KLHL17: variants seen among roughly 807,000 people sequenced by gnomAD.
KLHL17 encodes kelch like family member 17.
A neutral mutation model predicts 64.6 loss-of-function variants in KLHL17; 71 were observed. The observed-to-expected ratio is 1.10, with a 90% CI of 0.91 to 1.34. The LOEUF is 1.34. KLHL17 is among the 40% of genes most tolerant of loss of function. The pLI is 0.00. For synonymous variants in KLHL17, 612 were observed against 405.4 expected (o/e 1.51, Z -6.12); for missense variants, 1,140 against 935.0 (o/e 1.22, Z -2.86).
At position 961,487 on chromosome 1, in the gene KLHL17, A is replaced by G; in HGVS notation, c.302A>G (p.Lys101Arg). Reference protein sequence around the residue: ...LCDIVLHVAAKEIRAHKVVLA... With the variant: ...LCDIVLHVAAREIRAHKVVLA... ...GACATCGTCCTGCACGTGGCTGCCA[A>G]GGAGATCCGTGCGCACAAAGTGGTG... is the stretch of plus-strand genomic sequence containing the variant. Residue 101 changes from lysine to arginine, a missense_variant, in exon 2 of 12, where the codon AAG becomes AGG. Coordinates refer to ENST00000338591, the MANE Select transcript of KLHL17 (RefSeq NM_198317.3). 1.2e-6 allele frequency: 2 copies of G among 1,612,500 alleles called. No individual in the cohort carries two copies. Among genetic ancestry groups the G allele is most frequent in the East Asian group, 2.2e-5 (1 of 44,882 alleles).
Position 960,672 on chromosome 1 carries a change from C to T in KLHL17, c.-22C>T. 7.4e-7 allele frequency: 1 copy of T among 1,359,332 alleles called. No homozygotes were observed. Among genetic ancestry groups the T allele is most frequent in the Non-Finnish European group, 9.5e-7 (1 of 1,049,546 alleles). 84.2% of individuals were successfully genotyped at this position (1,359,332 alleles called of 1,614,324 possible). Reference sequence around the variant, plus strand: ...TTAAGCCCGCGGGTCCTCCGCGAATCGGCGGTGGGTCCGGCAGCCGAATGC... The same window carrying T: ...TTAAGCCCGCGGGTCCTCCGCGAATTGGCGGTGGGTCCGGCAGCCGAATGC... On this transcript the variant is annotated 5_prime_UTR_variant, in exon 1 of 12. Transcript: ENST00000338591.
Position 962,406 on chromosome 1 carries a change from G to A in KLHL17, c.763G>A (p.Val255Ile), listed in dbSNP as rs1044310482. 1.5e-5 allele frequency: 24 copies of A among 1,612,686 alleles called. No homozygotes were observed. Among genetic ancestry groups the A allele is most frequent in the African/African-American group, 2.7e-5 (2 of 74,934 alleles). Reference sequence around the variant, plus strand: ...CCTGAACGTGCCTTCAGAGGAGGAGGTCTACCGAGCCGTCCTGAGCTGGGT... The same window carrying A: ...CCTGAACGTGCCTTCAGAGGAGGAGATCTACCGAGCCGTCCTGAGCTGGGT... Reference protein sequence around the residue: ...DSLNVPSEEEVYRAVLSWVKH... With the variant: ...DSLNVPSEEEIYRAVLSWVKH... The change falls in exon 5 of 12, where the codon GTC becomes ATC. Residue 255 changes from valine to isoleucine, a missense_variant. Val to Ile is a conservative substitution (Grantham distance 29, BLOSUM62 3). Coordinates refer to ENST00000338591, the MANE Select transcript of KLHL17 (RefSeq NM_198317.3).
At chr1:964,226 G>A (rs1307287023) in intron 10 of KLHL17, 46 bp downstream of exon 10, 1 of 1,607,730 alleles carries the variant, frequency 6.2e-7, no homozygotes, top group Non-Finnish European at 8.5e-7. Context: ...TGCGCCGCGG[G>A]GCCCTCCTCC....
intron 5 of KLHL17, 73 bp from the exon 6 acceptor site, chr1:962,631 G>A (rs1045726562): frequency 3.3e-6 from 5 of 1,527,490 alleles, no homozygotes; most frequent in African/African-American, 2.7e-5. Context: ...ACGGGCATCT[G>A]GGGGGTTGTC....
chr1:961,494 C>T lies in KLHL17; in HGVS notation c.309C>T (p.Ile103=), dbSNP rs766957853. The part of the protein sequence containing the change: ...DIVLHVAAKE[I]RAHKVVLASC... ...TCCTGCACGTGGCTGCCAAGGAGAT[C>T]CGTGCGCACAAAGTGGTGCTGGCCT... Residue 103 remains isoleucine, a synonymous_variant, in exon 2 of 12, where the codon ATC becomes ATT. Coordinates refer to ENST00000338591, the MANE Select transcript of KLHL17 (RefSeq NM_198317.3). The T allele has an allele frequency of 1.9e-6, 3 of 1,612,550 alleles. No homozygotes were observed. In the South Asian group the frequency reaches 3.3e-5, roughly 18 times the overall value.
chr1:963,900 T>C lies in KLHL17; in HGVS notation c.1356-20T>C, dbSNP rs1642769306. 2 of 1,611,186 alleles carry C rather than the reference T, an allele frequency of 1.2e-6. No homozygotes were observed. Among genetic ancestry groups the C allele is most frequent in the Non-Finnish European group, 8.5e-7 (1 of 1,179,182 alleles). On this transcript the variant is annotated intron_variant, in intron 8 of 11. Transcript: ENST00000338591. ...CTTTCTGTCTCTGCTGAGCTGTGGC[T>C]GCGGTCCTGGTGCCCACAGTGCTGA... is the stretch of plus-strand genomic sequence containing the variant.
chr1:963,962 C>G lies in KLHL17; in HGVS notation c.1398C>G (p.Val466=), dbSNP rs769279486. The G allele has an allele frequency of 6.2e-7, 1 of 1,612,556 alleles. No individual in the cohort carries two copies. The highest frequency in any genetic ancestry group is 1.1e-5 in the South Asian group (1 of 91,084). The change falls in exon 9 of 12, where the codon GTC becomes GTG. Residue 466 remains valine, a synonymous_variant. Coordinates refer to ENST00000338591, the MANE Select transcript of KLHL17 (RefSeq NM_198317.3). ...CCCTGACCGGAACGTGGACGTCCGTCGCTGCCATGAGCACCCGGAGGCGCT... is the reference window on the plus strand; with the variant it reads ...CCCTGACCGGAACGTGGACGTCCGTGGCTGCCATGAGCACCCGGAGGCGCT... ...YDPLTGTWTS[V]AAMSTRRRYV...
Position 965,195 on chromosome 1 carries a change from A to ACCTACCACCAGAGGCCTGCAG in KLHL17, c.*8_*28dup. ...CGTGTCCTCCACCAGCCTCTGACCCACCTACCACCAGAGGCCTGCAGCCTC... is the reference window on the plus strand; with the variant it reads ...CGTGTCCTCCACCAGCCTCTGACCCACCTACCACCAGAGGCCTGCAGCCTACCACCAGAGGCCTGCAGCCTC... On this transcript the variant is annotated 3_prime_UTR_variant, in exon 12 of 12. Transcript: ENST00000338591. 6.2e-7 allele frequency: 1 copy of ACCTACCACCAGAGGCCTGCAG among 1,610,752 alleles called. No individual in the cohort carries two copies. Among genetic ancestry groups the ACCTACCACCAGAGGCCTGCAG allele is most frequent in the Non-Finnish European group, 8.5e-7 (1 of 1,178,878 alleles).
Position 961,422 on chromosome 1 carries a change from C to T in KLHL17, c.237C>T (p.Phe79=), listed in dbSNP as rs1213153056. Residue 79 remains phenylalanine (F), a synonymous_variant, in exon 2 of 12, where the codon TTC becomes TTT. Transcript: ENST00000338591. ...CCAAGCGGCACTACCACGATGCCTT[C>T]GTGGCCATGAGCCGCATGCGCCAGC... is the stretch of plus-strand genomic sequence containing the variant. ...HNSKRHYHDA[F]VAMSRMRQRG... 6.2e-7 allele frequency: 1 copy of T among 1,611,650 alleles called. No individual in the cohort carries two copies. Among genetic ancestry groups the T allele is most frequent in the Non-Finnish European group, 8.5e-7 (1 of 1,179,650 alleles).
intron 5 of KLHL17, 52 bp downstream of exon 5, chr1:962,523 G>A: frequency 6.3e-7 from 1 of 1,599,674 alleles, no homozygotes; most frequent in Non-Finnish European, 8.5e-7. Context: ...GCATGCAGGT[G>A]GCTGAGGGCC....
At position 963,502 on chromosome 1, in the gene KLHL17, C is replaced by G; in HGVS notation, c.1353C>G (p.Asn451Lys). The change falls in exon 8 of 12, where the codon AAC becomes AAG. Residue 451 changes from asparagine (N) to lysine (K), a missense_variant and splice_region_variant. Transcript: ENST00000338591. ...GCTATGACGGGGCCTCCTGCCTGAA[C>G]AGGTAGTTGGGGTTGGGGCCCCAGT... ...AGGYDGASCL[N>K]SAERYDPLTG... The G allele has an allele frequency of 1.2e-6, 2 of 1,605,718 alleles. No homozygotes were observed. Among genetic ancestry groups the G allele is most frequent in the Middle Eastern group, 1.7e-4 (1 of 6,026 alleles).
chr1:963,770 C>A, intron 8 of KLHL17, 150 bp from the exon 9 acceptor site: 2 of 972,356 alleles, frequency 2.1e-6, no homozygotes, highest in Non-Finnish European at 3.1e-6. Flanking sequence ...GGGTCCTGTG[C>A]CCACCAGCGG....
Position 965,272 on chromosome 1 carries a change from C to A in KLHL17, c.*81C>A, listed in dbSNP as rs564373218. ...CCCACCAGGGACGTCCTGCGCCATC[C>A]GTTCACGTCTCTGCATCCATTCCTT... is the stretch of plus-strand genomic sequence containing the variant. On this transcript the variant is annotated 3_prime_UTR_variant, in exon 12 of 12. Coordinates refer to ENST00000338591, the MANE Select transcript of KLHL17 (RefSeq NM_198317.3). The A allele has an allele frequency of 1.9e-6, 2 of 1,067,150 alleles. No homozygotes were observed. The highest frequency in any genetic ancestry group is 1.6e-5 in the African/African-American group (1 of 62,890). 66.1% of individuals were successfully genotyped at this position (1,067,150 alleles called of 1,614,324 possible).
intron 4 of KLHL17, 85 bp downstream of exon 4, chr1:962,132 G>A: frequency 7.6e-7 from 1 of 1,309,398 alleles, no homozygotes; most frequent in Non-Finnish European, 1.0e-6. Flanking sequence ...TTTTGTTCCT[G>A]ACACAGCCCT....
rs28705211 is a variant in KLHL17, at chr1:965,125, G to C, written c.1863G>C (p.Val621=). The C allele has an allele frequency of 0.26, 415,672 of 1,612,310 alleles. 56,689 individuals are homozygous for C. Among genetic ancestry groups the C allele is most frequent in the South Asian group, 0.3 (27,331 of 91,056 alleles). Reference sequence around the variant, plus strand: ...GGCGCAGCAGTGTGGGTGTGGCGGTGCTGGAGCTGCTCAATTTCCCGCCGC... The same window carrying C: ...GGCGCAGCAGTGTGGGTGTGGCGGTCCTGGAGCTGCTCAATTTCCCGCCGC... ...FTRRSSVGVA[V]LELLNFPPPS... is the part of the protein sequence containing the mutation. Residue 621 remains valine, a synonymous_variant, in exon 12 of 12, where the codon GTG becomes GTC. Transcript: ENST00000338591.
intron 8 of KLHL17, 149 bp downstream of exon 8, chr1:963,653 G>C: frequency 2.0e-6 from 2 of 1,005,374 alleles, no homozygotes; most frequent in South Asian, 3.3e-5. Context: ...CACTGGGCCT[G>C]AACTCTTGGC....
rs1200472494 is a variant in KLHL17, at chr1:961,616, G to A, written c.368-13G>A. On this transcript the variant is annotated splice_polypyrimidine_tract_variant and intron_variant, in intron 2 of 11. Coordinates refer to ENST00000338591, the MANE Select transcript of KLHL17 (RefSeq NM_198317.3). ...TCCCTCGGGTCAGCTCGTGTAACCC[G>A]CTGTCCCCGCAGATGAGATGAGCGA... 4.3e-6 allele frequency: 7 copies of A among 1,612,736 alleles called. No individual in the cohort carries two copies. The highest frequency in any genetic ancestry group is 1.7e-4 in the Middle Eastern group (1 of 6,060).
chr1:961,985 G>T lies in KLHL17; in HGVS notation c.649G>T (p.Val217Leu), dbSNP rs762611286. The T allele has an allele frequency of 1.2e-6, 2 of 1,612,814 alleles. No homozygotes were observed. The highest frequency in any genetic ancestry group is 1.7e-6 in the Non-Finnish European group (2 of 1,180,028). The change falls in exon 4 of 12, where the codon GTG (valine) becomes TTG (leucine). Residue 217 changes from valine to leucine, a missense_variant. Physicochemically the swap from Val to Leu is conservative, Grantham distance 32 (BLOSUM62 1). Coordinates refer to ENST00000338591, the MANE Select transcript of KLHL17 (RefSeq NM_198317.3). ...CCTGCTCAAGGCCGCCCACAGGTAC[G>T]TGCTGCAGCACTTCGTGGACGTGGC... ...SDLLKAAHRY[V>L]LQHFVDVAKT...
In KLHL17 at chr1:960,750, C is replaced by T; in HGVS notation, c.57C>T (p.Ser19=). The change falls in exon 1 of 12, where the codon AGC becomes AGT. Residue 19 remains serine (S), a synonymous_variant. Coordinates refer to ENST00000338591, the MANE Select transcript of KLHL17 (RefSeq NM_198317.3). ...GGACGCAGAGCCCGGAGCACGGCAGCCCGGGGCCCGGGCCCGAGGCGCCGC... is the reference window on the plus strand; with the variant it reads ...GGACGCAGAGCCCGGAGCACGGCAGTCCGGGGCCCGGGCCCGAGGCGCCGC... ...AGRTQSPEHG[S]PGPGPEAPPP... 1 of 1,192,264 alleles carries T rather than the reference C, an allele frequency of 8.4e-7. No individual in the cohort carries two copies. The highest frequency in any genetic ancestry group is 3.8e-5 in the East Asian group (1 of 26,490). The allele number at this position is 1,192,264 out of a possible 1,614,324, so 73.9% of individuals were successfully genotyped here. A position where few individuals can be genotyped will look rare whatever the true frequency, so the allele number is the denominator to read the frequency against.
Sources: allele counts gnomAD v4.1 joint callset, GRCh38; gene constraint gnomAD v4.1.1; transcripts MANE v1.5; gene names NCBI Gene and HGNC (gene_info 2026-07-23, HGNC 2026-07-21).